The following CCL26 variants were observed in gnomAD, a reference collection of about 807,000 sequenced individuals.
The protein encoded by CCL26 is C-C motif chemokine 26.
Under a neutral mutation model 10.7 loss-of-function variants are expected in CCL26, and 10 were observed. The ratio of observed to expected loss-of-function variants is 0.93; its 90% CI spans 0.57 to 1.58. The LOEUF (loss-of-function observed/expected upper bound fraction) is 1.58. Ranked by LOEUF, CCL26 falls within the 40% of genes most tolerant of loss-of-function variation. The pLI, the probability that CCL26 is intolerant of heterozygous loss-of-function variation, is 0.00. For synonymous variants in CCL26, 43 were observed against 41.4 expected, an observed-to-expected ratio of 1.04 and a Z score of -0.15; for missense variants, 116 against 111.0, an observed-to-expected ratio of 1.05 and a Z score of -0.20.
intron 1 of CCL26, among the ~76,000 whole-genome samples, chr7:75,787,218 C>T (rs1803213255): frequency 6.6e-6 from 1 of 152,088 alleles, no homozygotes; most frequent in South Asian, 2.1e-4. Flanking sequence ...CTATACAGTC[C>T]GATAATGGAC....
At chr7:75,774,541 G>T (rs183053955), upstream of CCL26, among the ~76,000 whole-genome samples, 5 of 151,926 alleles carry the variant, frequency 3.3e-5, no homozygotes, top group Admixed American at 3.3e-4. Flanking sequence ...CCACCTCCTG[G>T]GTTCGAATGA....
chr7:75,776,488 C>A (rs1479820845), upstream of CCL26, among the ~76,000 whole-genome samples: 1 of 143,836 alleles, frequency 7.0e-6, no homozygotes, highest in East Asian at 2.1e-4. Context: ...CTGCAGTGAG[C>A]TACGATTGCA....
upstream of CCL26, among the ~76,000 whole-genome samples, chr7:75,774,913 C>T (rs182505996): frequency 6.1e-3 from 924 of 152,132 alleles, 11 homozygotes; most frequent in Non-Finnish European, 6.4e-3. Context: ...GAGCAAGACT[C>T]TGTCTCTTTA....
chr7:75,780,831 T>C (rs563685027), intron 1 of CCL26, among the ~76,000 whole-genome samples: 1 of 152,188 alleles, frequency 6.6e-6, no homozygotes, highest in South Asian at 2.1e-4. Context: ...CAGTTTTTCC[T>C]CAGCCTCCGC....
intron 1 of CCL26, among the ~76,000 whole-genome samples, chr7:75,780,848 A>G (rs1449140341): frequency 6.6e-6 from 1 of 150,504 alleles, no homozygotes; most frequent in Non-Finnish European, 1.5e-5. Flanking sequence ...CCGCTCCCCC[A>G]CCCTACAATC....
At chr7:75,778,018 C>G (rs1250929159) in intron 1 of CCL26, among the ~76,000 whole-genome samples, 2 of 152,010 alleles carry the variant, frequency 1.3e-5, no homozygotes, top group Non-Finnish European at 2.9e-5. Context: ...CCAACCCCAG[C>G]CGACATATTT....
At chr7:75,786,038 T>C (rs1419803891) in intron 1 of CCL26, among the ~76,000 whole-genome samples, 11 of 152,156 alleles carry the variant, frequency 7.2e-5, no homozygotes, top group African/African-American at 2.7e-4. Flanking sequence ...ACTTCCAAAA[T>C]CTATTGTCTT....
chr7:75,787,124 C>T (rs567522273), intron 1 of CCL26, among the ~76,000 whole-genome samples: 78 of 152,254 alleles, frequency 5.1e-4, no homozygotes, highest in Admixed American at 4.4e-3. Flanking sequence ...TGGGTAGAGG[C>T]CTTTCCCACA....
Position 75,781,459 on chromosome 7 carries a change from G to C in CCL26, c.-79+8258C>G, listed in dbSNP as rs182069656. ...AAATCTGGCCACTGGGCCAAGGAAT[G>C]CCCGCAGCCCAGGATTCCTCCTAAG... On this transcript the variant is annotated intron_variant, in intron 1 of 3. Transcript: ENST00000394905. Among the ~76,000 whole-genome samples the C allele has an allele frequency of 1.7e-4, 26 of 152,312 alleles. No homozygotes were observed. The South Asian group carries it at 2.3e-3, about 13-fold the overall frequency.
chr7:75,781,219 C>G (rs186716187), intron 1 of CCL26, among the ~76,000 whole-genome samples: 1 of 152,314 alleles, frequency 6.6e-6, no homozygotes, highest in East Asian at 1.9e-4. Flanking sequence ...CCTCAAACCC[C>G]ACGACAGGAC....
chr7:75,775,293 T>G (rs1802914261), upstream of CCL26, among the ~76,000 whole-genome samples: 1 of 152,206 alleles, frequency 6.6e-6, no homozygotes, highest in Admixed American at 6.5e-5. Flanking sequence ...CCCTGTTCTT[T>G]ACAAAAATGC....
chr7:75,783,936 T>A (rs1429086804), intron 1 of CCL26, among the ~76,000 whole-genome samples: 1 of 152,200 alleles, frequency 6.6e-6, no homozygotes, highest in Non-Finnish European at 1.5e-5. Context: ...TTTATTTTAT[T>A]ACCCAATCTG....
intron 1 of CCL26, chr7:75,789,628 G>C (rs1372289496): frequency 7.7e-6 from 1 of 130,222 alleles, no homozygotes; most frequent in South Asian, 2.4e-4. Context: ...CCCACACTTT[G>C]CCCCCCTCCC....
At chr7:75,774,970 A>T (rs1361663706), upstream of CCL26, among the ~76,000 whole-genome samples, 1 of 152,064 alleles carries the variant, frequency 6.6e-6, no homozygotes, top group Non-Finnish European at 1.5e-5. Context: ...CTGTAATGCC[A>T]GCACTTTGGT....
chr7:75,791,173 C>T (rs1411676630), upstream of CCL26, among the ~76,000 whole-genome samples: 2 of 151,696 alleles, frequency 1.3e-5, no homozygotes, highest in Non-Finnish European at 2.9e-5. Context: ...ATTACAGGCA[C>T]CCGCCACCAC....
chr7:75,790,210 TCTTTCTTTCTTCCTTC>T (rs1413574251), upstream of CCL26, among the ~76,000 whole-genome samples: 507 of 120,496 alleles, frequency 4.2e-3, 6 homozygotes, highest in South Asian at 0.014. Flanking sequence ...TTTCTTTCTT[TCTTTCTTTCTTCCTTC>T]CTTCCTTCCT....
intron 1 of CCL26, among the ~76,000 whole-genome samples, chr7:75,788,438 G>A (rs1803250674): frequency 6.6e-6 from 1 of 151,880 alleles, no homozygotes; most frequent in Non-Finnish European, 1.5e-5. Flanking sequence ...CTATAAAACG[G>A]CCCCACCCCT....
chr7:75,772,661 A>C (rs1309312990), upstream of CCL26, among the ~76,000 whole-genome samples: 18 of 146,030 alleles, frequency 1.2e-4, no homozygotes, highest in East Asian at 6.3e-4. Flanking sequence ...TGCCAAAAAA[A>C]AAAAAAACAA....
upstream of CCL26, among the ~76,000 whole-genome samples, chr7:75,772,665 A>C (rs41501446): frequency 0.012 from 1,825 of 149,892 alleles, 9 homozygotes; most frequent in Middle Eastern, 0.024. Context: ...AAAAAAAAAA[A>C]AAACAAACAA....
Sources: gnomAD v4.1 joint callset for allele counts (sites outside exome capture counted in the v4.1 genomes callset) on GRCh38, gnomAD v4.1.1 for gene constraint, MANE v1.5 for transcripts, NCBI Gene and HGNC (gene_info 2026-07-23, HGNC 2026-07-21) for gene names.